EYS: variants seen among roughly 807,000 people sequenced by gnomAD.
The protein encoded by EYS is EGF-like photoreceptor maintenance factor, also known as protein eyes shut homolog.
A neutral mutation model predicts 282.1 loss-of-function variants in EYS; 250 were observed. The observed-to-expected ratio is 0.89, with a 90% confidence interval of 0.80 to 0.98. EYS has a LOEUF of 0.98. EYS is among the 50% of genes least tolerant of loss of function. The probability of loss-of-function intolerance (pLI) is 0.00; values close to 1 mark genes in which losing one functional copy is unlikely to be tolerated. For synonymous variants in EYS, 1,355 were observed against 1,282.9 expected (o/e 1.06, Z -1.20); for missense variants, 4,016 against 3,709.0 (o/e 1.08, Z -2.15).
intron 31 of EYS, among the ~76,000 whole-genome samples, chr6:64,133,650 A>G (rs769383269): frequency 6.6e-6 from 1 of 152,092 alleles, no homozygotes; most frequent in East Asian, 1.9e-4. Flanking sequence ...TATTTTTACC[A>G]TTATTCAATT....
In EYS at chr6:65,371,731, CTCTCTCTCTCTGTG is replaced by C. The variant is rs1364012284; in HGVS notation, c.1299+12641_1299+12654del. On this transcript the variant is annotated intron_variant, in intron 8 of 42. Transcript: ENST00000503581. ...TCCCTCTCTCTCTCTCTCTCTCTCTCTCTCTCTCTCTGTGTGTGTGTGTGTGTGTGTGTGTGTGT... is the reference window on the plus strand; with the variant it reads ...TCCCTCTCTCTCTCTCTCTCTCTCTCTGTGTGTGTGTGTGTGTGTGTGTGT... Among the ~76,000 whole-genome samples the C allele has an allele frequency of 8.0e-4, 41 of 51,046 alleles. 1 individual carries two copies. Among genetic ancestry groups the C allele is most frequent in the South Asian group, 2.5e-3 (3 of 1,178 alleles). 33.5% of individuals were successfully genotyped at this position (51,046 alleles called of 152,430 possible).
At chr6:64,403,869 T>G (rs931720965) in intron 28 of EYS, among the ~76,000 whole-genome samples, 1 of 152,136 alleles carries the variant, frequency 6.6e-6, no homozygotes, top group African/African-American at 2.4e-5. Context: ...AAATGACATG[T>G]GTAATGCAAT....
At chr6:64,570,027 T>G (rs1341251310) in intron 26 of EYS, among the ~76,000 whole-genome samples, 4 of 152,174 alleles carry the variant, frequency 2.6e-5, no homozygotes, top group Non-Finnish European at 4.4e-5. Context: ...AAAAAAATGT[T>G]AAGATCAGCC....
chr6:64,338,781 T>A (rs986067111), intron 29 of EYS, among the ~76,000 whole-genome samples: 1 of 151,828 alleles, frequency 6.6e-6, no homozygotes, highest in African/African-American at 2.4e-5. Context: ...AGTATCAACA[T>A]AGGCACATAG....
chr6:64,719,396 A>G (rs1771499757), intron 22 of EYS, among the ~76,000 whole-genome samples: 1 of 152,134 alleles, frequency 6.6e-6, no homozygotes, highest in South Asian at 2.1e-4. Flanking sequence ...AAATATTTCT[A>G]TTTTTATTAA....
At chr6:65,321,337 C>T (rs1024628569) in intron 11 of EYS, among the ~76,000 whole-genome samples, 3 of 151,494 alleles carry the variant, frequency 2.0e-5, no homozygotes, top group Non-Finnish European at 4.4e-5. Flanking sequence ...AAGAGGGTTG[C>T]AGTTGGAGGG....
intron 30 of EYS, among the ~76,000 whole-genome samples, chr6:64,256,115 A>T (rs1349418052): frequency 6.6e-6 from 1 of 152,022 alleles, no homozygotes; most frequent in Non-Finnish European, 1.5e-5. Context: ...TAATCATAAT[A>T]CTCTTAATTT....
intron 2 of EYS, among the ~76,000 whole-genome samples, chr6:65,630,017 G>A (rs530739999): frequency 6.6e-6 from 1 of 152,350 alleles, no homozygotes; most frequent in African/African-American, 2.4e-5. Context: ...GGATGATGGA[G>A]AACAAGGTAC....
intron 41 of EYS, chr6:63,744,573 T>C (rs13197043): frequency 0.36 from 55,171 of 151,810 alleles, 10,073 homozygotes; most frequent in Admixed American, 0.42. Context: ...TTCTTTCTTT[T>C]TTTTTTTTTT....
chr6:64,037,768 C>T (rs1770191314), intron 33 of EYS, among the ~76,000 whole-genome samples: 1 of 152,182 alleles, frequency 6.6e-6, no homozygotes. Flanking sequence ...TTTTTCACCT[C>T]CTCCTAAAAT....
At chr6:64,672,625 C>T (rs929625425) in intron 22 of EYS, among the ~76,000 whole-genome samples, 5 of 152,138 alleles carry the variant, frequency 3.3e-5, no homozygotes, top group Non-Finnish European at 7.4e-5. Flanking sequence ...TCTCACTATT[C>T]CCTTTCCACT....
chr6:65,433,837 T>C (rs1358452639), intron 5 of EYS, among the ~76,000 whole-genome samples: 1 of 101,962 alleles, frequency 9.8e-6, no homozygotes, highest in Non-Finnish European at 2.5e-5. Context: ...TTAATCTTTC[T>C]TTTGGCCCAG....
At chr6:64,330,385 C>A (rs1029892856) in intron 29 of EYS, among the ~76,000 whole-genome samples, 1 of 152,086 alleles carries the variant, frequency 6.6e-6, no homozygotes, top group Non-Finnish European at 1.5e-5. Context: ...ACACACTCGG[C>A]AAAACCATTG....
intron 31 of EYS, among the ~76,000 whole-genome samples, chr6:64,147,186 A>G (rs1031360249): frequency 6.6e-6 from 1 of 152,122 alleles, no homozygotes; most frequent in African/African-American, 2.4e-5. Context: ...TTTTTTTAGT[A>G]TCTGCCGTTG....
intron 36 of EYS, among the ~76,000 whole-genome samples, chr6:63,834,121 A>G (rs1364939021): frequency 6.6e-6 from 1 of 152,224 alleles, no homozygotes; most frequent in Non-Finnish European, 1.5e-5. Flanking sequence ...AAGAAAACCT[A>G]GGCAATACCA....
chr6:65,589,978 T>A (rs766738707), intron 2 of EYS, among the ~76,000 whole-genome samples: 1 of 152,012 alleles, frequency 6.6e-6, no homozygotes, highest in African/African-American at 2.4e-5. Context: ...AAAAATCATA[T>A]GCTGAAAGCA....
chr6:65,117,834 A>G (rs1775421778), intron 12 of EYS, among the ~76,000 whole-genome samples: 1 of 152,200 alleles, frequency 6.6e-6, no homozygotes, highest in Non-Finnish European at 1.5e-5. Context: ...GATGTCCTAG[A>G]GATAGAGCTA....
intron 30 of EYS, among the ~76,000 whole-genome samples, chr6:64,277,849 T>C (rs1267802528): frequency 6.6e-6 from 1 of 152,158 alleles, no homozygotes; most frequent in Non-Finnish European, 1.5e-5. Flanking sequence ...GTCTAATCCA[T>C]ACTTTTAAGA....
At chr6:65,269,327 G>T (rs1269340703) in intron 12 of EYS, among the ~76,000 whole-genome samples, 1 of 152,178 alleles carries the variant, frequency 6.6e-6, no homozygotes, top group Non-Finnish European at 1.5e-5. Context: ...TCAGATTCTA[G>T]ATATCACAGT....
Sources: gnomAD v4.1 joint callset for allele counts (sites outside exome capture counted in the v4.1 genomes callset) on GRCh38, gnomAD v4.1.1 for gene constraint, MANE v1.5 for transcripts, NCBI Gene and HGNC (gene_info 2026-07-23, HGNC 2026-07-21) for gene names.